DNAH3: variants seen among roughly 807,000 people sequenced by gnomAD.
DNAH3 encodes axonemal beta dynein heavy chain 3.
In DNAH3, 332 loss-of-function variants were observed where a neutral mutation model predicts 432.5. The ratio of observed to expected loss-of-function variants is 0.77; its 90% CI spans 0.70 to 0.84. The LOEUF (loss-of-function observed/expected upper bound fraction) is 0.84. Ranked by LOEUF, DNAH3 falls within the 40% of genes least tolerant of loss-of-function variation. The pLI is 0.00. For synonymous variants in DNAH3, 1,956 were observed against 1,900.2 expected, an observed-to-expected ratio of 1.03 and a Z score of -0.76; for missense variants, 4,861 against 5,114.0, an observed-to-expected ratio of 0.95 and a Z score of 1.51.
chr16:20,965,941 G>A (rs1036174208), intron 52 of DNAH3, among the ~76,000 whole-genome samples: 1 of 144,886 alleles, frequency 6.9e-6, no homozygotes, highest in Non-Finnish European at 1.5e-5. Flanking sequence ...TTAAACTCCT[G>A]ACCTCATGTG....
At chr16:20,950,144 A>C (rs2152575058) in intron 56 of DNAH3, among the ~76,000 whole-genome samples, 1 of 152,306 alleles carries the variant, frequency 6.6e-6, no homozygotes, top group East Asian at 1.9e-4. Flanking sequence ...CACTGTGTCC[A>C]GCTCCAGGCG....
At chr16:20,970,851 C>T (rs911920564) in intron 51 of DNAH3, among the ~76,000 whole-genome samples, 4 of 145,564 alleles carry the variant, frequency 2.7e-5, no homozygotes, top group Non-Finnish European at 6.0e-5. Context: ...GATTTCTTTT[C>T]TTTTCTCTAT....
intron 19 of DNAH3, among the ~76,000 whole-genome samples, chr16:21,082,805 G>A (rs2091236724): frequency 6.9e-6 from 1 of 144,374 alleles, no homozygotes; most frequent in Non-Finnish European, 1.5e-5. Flanking sequence ...TCCAGCCTGG[G>A]CAACAGAGTG....
intron 49 of DNAH3, 92 bp from the exon 50 acceptor site, chr16:20,979,638 G>C: frequency 8.8e-7 from 1 of 1,131,490 alleles, no homozygotes; most frequent in Non-Finnish European, 1.3e-6. Flanking sequence ...ATATGAGAAG[G>C]CACATACACT....
chr16:20,993,260 A>G (rs2152683454), intron 44 of DNAH3, among the ~76,000 whole-genome samples: 2 of 152,308 alleles, frequency 1.3e-5, no homozygotes, highest in South Asian at 4.1e-4. Flanking sequence ...AGAAAATTCT[A>G]CGTTTTCAAC....
At chr16:21,038,442 C>T (rs1379610765) in intron 33 of DNAH3, among the ~76,000 whole-genome samples, 4 of 152,090 alleles carry the variant, frequency 2.6e-5, no homozygotes, top group African/African-American at 7.2e-5. Flanking sequence ...CTCTTGAGCC[C>T]AGGAGTTCAA....
At chr16:21,022,437 A>G (rs1219407484) in intron 39 of DNAH3, among the ~76,000 whole-genome samples, 1 of 152,210 alleles carries the variant, frequency 6.6e-6, no homozygotes, top group Admixed American at 6.5e-5. Flanking sequence ...TTGTTTCTAT[A>G]AAAAGTATTA....
chr16:21,009,807 T>C (rs1165414829), intron 41 of DNAH3, among the ~76,000 whole-genome samples: 2 of 151,144 alleles, frequency 1.3e-5, no homozygotes, highest in African/African-American at 4.9e-5. Context: ...CCTGGGGCAC[T>C]AAGACTGCAG....
At chr16:21,115,857 G>A (rs903638834) in intron 12 of DNAH3, among the ~76,000 whole-genome samples, 3 of 152,070 alleles carry the variant, frequency 2.0e-5, no homozygotes, top group Non-Finnish European at 2.9e-5. Flanking sequence ...TCAAATTCAC[G>A]AGGGCAGGGC....
Position 21,140,593 on chromosome 16 carries a change from T to TA in DNAH3, c.638dup (p.Leu213PhefsTer10). 4 of 1,614,194 alleles carry TA rather than the reference T, an allele frequency of 2.5e-6. No individual in the cohort carries two copies. Among genetic ancestry groups the TA allele is most frequent in the Non-Finnish European group, 3.4e-6 (4 of 1,180,016 alleles). ...TACTTTCCATTTCCATCTCCTGCTG[T>TA]AACATGACATCGAGCTGCTGTTCTG... On this transcript the variant is annotated frameshift_variant, in exon 5 of 62. Transcript: ENST00000261383. LOFTEE classifies it high-confidence loss of function.
chr16:20,961,970 G>C (rs1413685883), intron 53 of DNAH3, among the ~76,000 whole-genome samples: 1 of 151,616 alleles, frequency 6.6e-6, no homozygotes, highest in Non-Finnish European at 1.5e-5. Flanking sequence ...AGACCAGCCT[G>C]GCCAACATGG....
rs188682371 is a variant in DNAH3, at chr16:21,069,401, G to T, written c.3381+14C>A. ...ATTTCTGCTGGTAAGAGTTATTAGG[G>T]TATAAAAACTTACCGCTTGGGACAT... On this transcript the variant is annotated intron_variant, in intron 23 of 61. Coordinates refer to ENST00000261383, the Ensembl canonical transcript of DNAH3. 1.3e-5 allele frequency: 21 copies of T among 1,608,330 alleles called. No homozygotes were observed. Among genetic ancestry groups the T allele is most frequent in the Non-Finnish European group, 1.7e-5 (20 of 1,175,916 alleles).
rs112849070 is a variant in DNAH3, at chr16:21,106,476, G to A, written c.2284+14C>T. On this transcript the variant is annotated intron_variant, in intron 15 of 61. Coordinates refer to ENST00000261383, the Ensembl canonical transcript of DNAH3. ...GGTATGCATTTCGATGGTCACACAT[G>A]GCATTGGACTTACACGGCAAGTCTG... 11 of 1,560,450 alleles carry A rather than the reference G, an allele frequency of 7.0e-6. No homozygotes were observed. The African/African-American group carries it at 1.5e-4, about 21-fold the overall frequency.
intron 48 of DNAH3, among the ~76,000 whole-genome samples, chr16:20,984,729 G>A (rs1249508908): frequency 1.3e-5 from 2 of 152,076 alleles, no homozygotes; most frequent in Non-Finnish European, 2.9e-5. Flanking sequence ...ATTAGCAGGT[G>A]TGGTACGCGC....
chr16:21,009,117 A>G (rs1485846525), intron 41 of DNAH3, among the ~76,000 whole-genome samples: 2 of 152,234 alleles, frequency 1.3e-5, no homozygotes, highest in African/African-American at 4.8e-5. Flanking sequence ...AATGAAAATA[A>G]TCTGTATACA....
chr16:21,143,841 A>G (rs2092750080), intron 3 of DNAH3, among the ~76,000 whole-genome samples: 1 of 152,232 alleles, frequency 6.6e-6, no homozygotes, highest in Admixed American at 6.5e-5. Context: ...GTAGAAAACC[A>G]TAAGTAATCA....
At chr16:21,134,800 C>T (rs1297518672) in intron 6 of DNAH3, among the ~76,000 whole-genome samples, 1 of 152,152 alleles carries the variant, frequency 6.6e-6, no homozygotes, top group African/African-American at 2.4e-5. Flanking sequence ...CATTCTCCTG[C>T]CTCAGCCTCC....
At chr16:21,141,166 A>G (rs2092713508) in intron 4 of DNAH3, 134 bp downstream of exon 5, 3 of 713,386 alleles carry the variant, frequency 4.2e-6, no homozygotes, top group South Asian at 2.1e-5. Context: ...TTTTGATTAA[A>G]GTGATTCGTG....
At chr16:21,076,439 G>A (rs1254998513) in intron 20 of DNAH3, among the ~76,000 whole-genome samples, 1 of 152,184 alleles carries the variant, frequency 6.6e-6, no homozygotes, top group Non-Finnish European at 1.5e-5. Context: ...TCTGTGGTAT[G>A]CTGTAAGAGC....
Sources: gnomAD v4.1 joint callset for allele counts (sites outside exome capture counted in the v4.1 genomes callset) on GRCh38, gnomAD v4.1.1 for gene constraint, MANE v1.5 for transcripts, NCBI Gene and HGNC (gene_info 2026-07-23, HGNC 2026-07-21) for gene names.